The following MNS1 variants were observed in gnomAD, a reference collection of about 807,000 sequenced individuals.
MNS1 encodes meiosis specific nuclear structural 1.
A neutral mutation model predicts 72.0 loss-of-function variants in MNS1; 63 were observed. The observed-to-expected ratio is 0.87, with a 90% CI of 0.71 to 1.08. The LOEUF (loss-of-function observed/expected upper bound fraction) is 1.08, where lower values mean the gene tolerates loss of function less well. MNS1 is among the 50% of genes least tolerant of loss of function. The pLI is 0.00. For missense variants in MNS1, 604 were observed against 562.4 expected (o/e 1.07, Z -0.75); for synonymous variants, 188 against 172.1 (o/e 1.09, Z -0.72).
chr15:56,461,946 AGTCAATAACAAAG>A lies in MNS1; in HGVS notation c.225+2067_225+2079del. On this transcript the variant is annotated intron_variant, in intron 2 of 9. Coordinates refer to ENST00000260453, the MANE Select transcript of MNS1 (RefSeq NM_018365.4). ...TTTTTCAGTAAGAATAAATAACCCT[AGTCAATAACAAAG>A]TGTTTTTTTGTTGTTGTTTTTTTTT... Among the ~76,000 whole-genome samples, 2 of 143,966 alleles carry A rather than the reference AGTCAATAACAAAG, an allele frequency of 1.4e-5. 1 individual carries two copies. The highest frequency in any genetic ancestry group is 4.4e-4 in the South Asian group (2 of 4,578). 94.4% of individuals were successfully genotyped at this position (143,966 alleles called of 152,430 possible).
chr15:56,449,019 T>C (rs1263609394), intron 3 of MNS1, among the ~76,000 whole-genome samples: 2 of 152,324 alleles, frequency 1.3e-5, no homozygotes, highest in South Asian at 4.1e-4. Context: ...CCTTGCAAAG[T>C]GCTGGGATTA....
At chr15:56,452,402 C>T (rs1382723443) in intron 3 of MNS1, among the ~76,000 whole-genome samples, 1 of 152,150 alleles carries the variant, frequency 6.6e-6, no homozygotes, top group Non-Finnish European at 1.5e-5. Flanking sequence ...ACTCAGTGCT[C>T]TGGGTTCTTA....
intron 2 of MNS1, among the ~76,000 whole-genome samples, chr15:56,462,261 GA>G (rs1319971351): frequency 2.6e-5 from 4 of 152,070 alleles, no homozygotes; most frequent in Non-Finnish European, 5.9e-5. Context: ...ACTAATGAAA[GA>G]AAAAATTCTT....
chr15:56,456,632 G>T, intron 2 of MNS1, 111 bp from the exon 3 acceptor site: 1 of 1,035,454 alleles, frequency 9.7e-7, no homozygotes, highest in African/African-American at 1.6e-5. Flanking sequence ...AACAATTGAT[G>T]ATGTTTTATT....
intron 2 of MNS1, 180 bp downstream of exon 2, chr15:56,463,846 T>A: frequency 1.7e-6 from 1 of 595,142 alleles, no homozygotes; most frequent in African/African-American, 1.9e-5. Flanking sequence ...AGTAGTAGGA[T>A]TCAAAGACAG....
intron 2 of MNS1, among the ~76,000 whole-genome samples, chr15:56,461,528 G>A (rs1007427567): frequency 1.3e-5 from 2 of 152,066 alleles, no homozygotes; most frequent in East Asian, 3.9e-4. Context: ...TAGCATGGTG[G>A]TGCAGGCCTG....
intron 8 of MNS1, among the ~76,000 whole-genome samples, chr15:56,433,255 C>CG (rs572493916): frequency 1.4e-4 from 2 of 14,008 alleles, no homozygotes; most frequent in Non-Finnish European, 1.6e-4. Context: ...CAGGGCCTGT[C>CG]GGGGGGTGGG....
intron 3 of MNS1, among the ~76,000 whole-genome samples, chr15:56,455,749 G>T (rs61173192): frequency 0.1 from 15,525 of 151,978 alleles, 2,653 homozygotes; most frequent in African/African-American, 0.35. Context: ...GAAGTATGGG[G>T]GCAATTAAGG....
At chr15:56,450,586 CA>C (rs1470866020) in intron 3 of MNS1, among the ~76,000 whole-genome samples, 1 of 152,046 alleles carries the variant, frequency 6.6e-6, no homozygotes, top group African/African-American at 2.4e-5. Flanking sequence ...ATCAGTGCTT[CA>C]TTTTTTTTTT....
chr15:56,459,676 C>T (rs1217483259), intron 2 of MNS1, among the ~76,000 whole-genome samples: 1 of 151,752 alleles, frequency 6.6e-6, no homozygotes, highest in African/African-American at 2.4e-5. Flanking sequence ...CTAGAGGAGA[C>T]AAAGATTGGA....
chr15:56,438,375 C>T (rs2050763987), intron 7 of MNS1, among the ~76,000 whole-genome samples: 2 of 151,778 alleles, frequency 1.3e-5, no homozygotes, highest in South Asian at 4.2e-4. Flanking sequence ...ACAAACCTGA[C>T]AAAAACAAGC....
intron 7 of MNS1, among the ~76,000 whole-genome samples, chr15:56,434,695 T>C (rs966131304): frequency 5.9e-5 from 9 of 152,156 alleles, no homozygotes; most frequent in African/African-American, 2.2e-4. Context: ...AAAGCCTTTT[T>C]TGCACACCTG....
chr15:56,444,416 A>T (rs372539931), intron 5 of MNS1, 28 bp downstream of exon 5: 78 of 1,569,628 alleles, frequency 5.0e-5, no homozygotes, highest in Non-Finnish European at 6.1e-5. Context: ...AAACATTTAG[A>T]CATGTAAGAA....
At position 56,444,443 on chromosome 15, in the gene MNS1, C is replaced by T. The variant is rs754241234; in HGVS notation, c.686+1G>A. The stretch of plus-strand genomic sequence containing the variant: ...ATGTAAGAAAGTTAGGATAAACTTA[C>T]AACTGATCTTCTTCATAGATCTTCC... On this transcript the variant is annotated splice_donor_variant, in intron 5 of 9. Transcript: ENST00000260453. LOFTEE classifies it high-confidence loss of function. 4 of 1,602,436 alleles carry T rather than the reference C, an allele frequency of 2.5e-6. No homozygotes were observed. Among genetic ancestry groups the T allele is most frequent in the Non-Finnish European group, 3.4e-6 (4 of 1,175,980 alleles).
At chr15:56,461,967 T>C in intron 2 of MNS1, among the ~76,000 whole-genome samples, 1 of 26,382 alleles carries the variant, frequency 3.8e-5, no homozygotes, top group Non-Finnish European at 8.1e-5. Flanking sequence ...AAGTGTTTTT[T>C]TGTTGTTGTT....
intron 7 of MNS1, among the ~76,000 whole-genome samples, chr15:56,438,025 A>C (rs2050758066): frequency 6.6e-6 from 1 of 152,214 alleles, no homozygotes; most frequent in Non-Finnish European, 1.5e-5. Flanking sequence ...AATATCGTGA[A>C]AATGGCCATA....
rs1567150952 is a variant in MNS1, at chr15:56,443,492, C to G, written c.949G>C (p.Glu317Gln). The change falls in exon 7 of 10, where the codon GAA becomes CAA. Residue 317 changes from glutamate (E) to glutamine (Q), a missense_variant. Coordinates refer to ENST00000260453, the MANE Select transcript of MNS1 (RefSeq NM_018365.4). ...TGGTATAATTCTTGTCGCACTTGTT[C>G]CAAATCTTCACGTTGCCGCAGCATT... ...EEMLRQREDL[E>Q]QVRQELYQEE... is the part of the protein sequence containing the mutation. The G allele has an allele frequency of 1.9e-6, 3 of 1,600,730 alleles. No individual in the cohort carries two copies. The highest frequency in any genetic ancestry group is 1.3e-5 in the African/African-American group (1 of 74,260).
In MNS1 at chr15:56,434,254, C is replaced by A; in HGVS notation, c.1153G>T (p.Glu385Ter). Residue 385 changes from glutamate to a stop codon, truncating the protein, a stop_gained, in exon 8 of 10, where the codon GAG (glutamate) becomes TAG (stop). Transcript: ENST00000260453. LOFTEE classifies it high-confidence loss of function. ...TTCATTAATTCTATTCGATCATCCT[C>A]AGCAAATTTAGCTAGCATAGTTTTT... is the stretch of plus-strand genomic sequence containing the variant. Reference protein sequence around the residue: ...FRKTMLAKFAEDDRIELMNAQ... With the variant: ...FRKTMLAKFA The A allele has an allele frequency of 6.2e-7, 1 of 1,613,900 alleles. No homozygotes were observed. Among genetic ancestry groups the A allele is most frequent in the Non-Finnish European group, 8.5e-7 (1 of 1,179,878 alleles).
chr15:56,443,569 A>G (rs1417033622), intron 6 of MNS1, 32 bp from the exon 7 acceptor site: 8 of 1,580,218 alleles, frequency 5.1e-6, no homozygotes, highest in Non-Finnish European at 6.9e-6. Flanking sequence ...ATAAATATTT[A>G]TAGGATCCAA....
Sources: gnomAD v4.1 joint callset for allele counts (sites outside exome capture counted in the v4.1 genomes callset) on GRCh38, gnomAD v4.1.1 for gene constraint, MANE v1.5 for transcripts, NCBI Gene and HGNC (gene_info 2026-07-23, HGNC 2026-07-21) for gene names.